CDH12: variants seen among roughly 807,000 people sequenced by gnomAD.
CDH12 encodes cadherin 12, also known as cadherin-12.
A neutral mutation model predicts 74.1 loss-of-function variants in CDH12; 41 were observed. The ratio of observed to expected loss-of-function variants is 0.55; its 90% CI spans 0.43 to 0.72. The LOEUF (loss-of-function observed/expected upper bound fraction) is 0.72, where lower values mean the gene tolerates loss of function less well. Ranked by LOEUF, CDH12 falls within the 30% of genes least tolerant of loss-of-function variation. The pLI, the probability that CDH12 is intolerant of heterozygous loss-of-function variation, is 0.00. For missense variants in CDH12, 945 were observed against 977.2 expected (o/e 0.97, Z 0.44); for synonymous variants, 399 against 355.0 (o/e 1.12, Z -1.39).
chr5:22,541,540 A>G lies in CDH12; in HGVS notation c.-522-36176T>C, dbSNP rs564424781. 3.3e-5 allele frequency among the ~76,000 whole-genome samples: 5 copies of G among 152,308 alleles called. No homozygotes were observed. The South Asian group carries it at 8.3e-4, about 25-fold the overall frequency. The stretch of plus-strand genomic sequence containing the variant: ...ACAAAACCTGATCATTTGTAAGGCA[A>G]TGAGAGAATGAAAGTGCCTCCTAAG... On this transcript the variant is annotated intron_variant, in intron 1 of 14. Coordinates refer to ENST00000382254, the MANE Select transcript of CDH12 (RefSeq NM_004061.5).
At chr5:22,441,087 A>G (rs1212895085) in intron 2 of CDH12, among the ~76,000 whole-genome samples, 1 of 152,170 alleles carries the variant, frequency 6.6e-6, no homozygotes, top group Non-Finnish European at 1.5e-5. Flanking sequence ...TTCTATATAC[A>G]GAGGGCCTAC....
At chr5:22,820,296 G>C (rs1749625335) in intron 1 of CDH12, among the ~76,000 whole-genome samples, 1 of 151,964 alleles carries the variant, frequency 6.6e-6, no homozygotes, top group African/African-American at 2.4e-5. Context: ...ATATGGTTTG[G>C]TTTTGTCCCC....
intron 3 of CDH12, among the ~76,000 whole-genome samples, chr5:22,378,462 T>C (rs2126372748): frequency 6.6e-6 from 1 of 152,122 alleles, no homozygotes; most frequent in South Asian, 2.1e-4. Flanking sequence ...ATAACAAAAG[T>C]AGTTGTGATA....
intron 4 of CDH12, chr5:22,172,653 A>G (rs1279063380): frequency 2.6e-5 from 4 of 151,864 alleles, no homozygotes; most frequent in Non-Finnish European, 4.4e-5. Flanking sequence ...AACATAAGTC[A>G]TAGTCTCTAA....
rs536185846 is a variant in CDH12 at position 22,677,484 on chromosome 5, G to A, written c.-522-172120C>T. ...GTTTCCTCAAGCCTCACTTATAAGG[G>A]CACTAATCCCATTCATGAGAGCAGA... On this transcript the variant is annotated intron_variant, in intron 1 of 14. Transcript: ENST00000382254. 3.9e-4 allele frequency among the ~76,000 whole-genome samples: 60 copies of A among 152,080 alleles called. 1 individual carries two copies. The highest frequency in any genetic ancestry group is 1.2e-3 in the African/African-American group (51 of 41,510).
intron 1 of CDH12, among the ~76,000 whole-genome samples, chr5:22,665,920 T>A (rs1740588356): frequency 6.6e-6 from 1 of 152,156 alleles, no homozygotes. Flanking sequence ...CTATTTCTTT[T>A]TTTTTCTTAT....
intron 1 of CDH12, among the ~76,000 whole-genome samples, chr5:22,616,485 A>G (rs1737695342): frequency 6.6e-6 from 1 of 152,102 alleles, no homozygotes; most frequent in South Asian, 2.1e-4. Flanking sequence ...TATCCAGCAA[A>G]CATTTGGAAA....
intron 5 of CDH12, among the ~76,000 whole-genome samples, chr5:22,061,160 C>A (rs1481324382): frequency 1.3e-5 from 2 of 152,092 alleles, no homozygotes; most frequent in Non-Finnish European, 2.9e-5. Flanking sequence ...GGTGGTTACA[C>A]TGATATATGT....
chr5:22,163,411 G>A (rs1422873499), intron 4 of CDH12, among the ~76,000 whole-genome samples: 1 of 152,072 alleles, frequency 6.6e-6, no homozygotes, highest in East Asian at 1.9e-4. Flanking sequence ...TGTCTAAAAT[G>A]CATCTCAAAC....
intron 4 of CDH12, among the ~76,000 whole-genome samples, chr5:22,175,169 T>G (rs867623628): frequency 1.3e-5 from 2 of 152,074 alleles, no homozygotes; most frequent in Middle Eastern, 3.2e-3. Flanking sequence ...ATAAATAAAT[T>G]TAGTTCTTTC....
intron 2 of CDH12, among the ~76,000 whole-genome samples, chr5:22,485,537 C>A (rs141400518): frequency 2.0e-5 from 3 of 152,104 alleles, no homozygotes; most frequent in Admixed American, 6.6e-5. Flanking sequence ...TTTCCCCTGG[C>A]CAACATAAAG....
intron 3 of CDH12, among the ~76,000 whole-genome samples, chr5:22,293,215 C>T (rs1469884568): frequency 6.6e-6 from 1 of 152,140 alleles, no homozygotes; most frequent in African/African-American, 2.4e-5. Flanking sequence ...CGGTCTGACC[C>T]CAGCCAACGG....
At chr5:21,842,136 A>G (rs560572447) in intron 8 of CDH12, 25 bp downstream of exon 8, 3 of 1,577,044 alleles carry the variant, frequency 1.9e-6, no homozygotes. Flanking sequence ...GCAATAATTT[A>G]GGCTTAACAG....
chr5:22,237,401 A>C (rs989816830), intron 3 of CDH12, among the ~76,000 whole-genome samples: 1 of 152,108 alleles, frequency 6.6e-6, no homozygotes, highest in Non-Finnish European at 1.5e-5. Context: ...TTAAAATCCT[A>C]ATCCTCAAGG....
At chr5:22,608,103 T>C (rs1737210009) in intron 1 of CDH12, among the ~76,000 whole-genome samples, 1 of 152,142 alleles carries the variant, frequency 6.6e-6, no homozygotes, top group Non-Finnish European at 1.5e-5. Context: ...GACCCCAGAA[T>C]GGTAGATCCA....
intron 1 of CDH12, among the ~76,000 whole-genome samples, chr5:22,546,405 G>A (rs1031872936): frequency 2.6e-5 from 4 of 152,254 alleles, no homozygotes; most frequent in African/African-American, 9.6e-5. Flanking sequence ...ATGTCTGAAA[G>A]CTCTGTAGCA....
intron 5 of CDH12, among the ~76,000 whole-genome samples, chr5:22,047,096 C>A (rs1245738454): frequency 6.6e-6 from 1 of 152,164 alleles, no homozygotes; most frequent in Non-Finnish European, 1.5e-5. Flanking sequence ...TGTTGTCCAA[C>A]ATTTAAGCAA....
At chr5:22,481,395 AC>A (rs1262147421) in intron 2 of CDH12, among the ~76,000 whole-genome samples, 1 of 152,242 alleles carries the variant, frequency 6.6e-6, no homozygotes, top group Non-Finnish European at 1.5e-5. Flanking sequence ...AAATATCTGT[AC>A]CTTCATGTTC....
intron 3 of CDH12, among the ~76,000 whole-genome samples, chr5:22,302,113 T>C (rs1005806665): frequency 6.6e-6 from 1 of 152,038 alleles, no homozygotes; most frequent in African/African-American, 2.4e-5. Context: ...TACACATAAA[T>C]ATTGTGATCA....
Sources: gnomAD v4.1 joint callset for allele counts (sites outside exome capture counted in the v4.1 genomes callset) on GRCh38, gnomAD v4.1.1 for gene constraint, MANE v1.5 for transcripts, NCBI Gene and HGNC (gene_info 2026-07-23, HGNC 2026-07-21) for gene names.